IQCM: variants seen among roughly 807,000 people sequenced by gnomAD.
The protein encoded by IQCM is IQ domain-containing protein M.
IQCM carries 45 observed loss-of-function variants against 57.6 expected under a neutral mutation model. The ratio of observed to expected loss-of-function variants is 0.78; its 90% confidence interval spans 0.62 to 1.00. The LOEUF is 1.00. IQCM is among the 50% of genes least tolerant of loss of function. IQCM has a pLI of 0.00. For missense variants in IQCM, 468 were observed against 511.6 expected (o/e 0.91, Z 0.82); for synonymous variants, 148 against 158.9 (o/e 0.93, Z 0.51).
chr4:149,563,593 A>G, intron 10 of IQCM, 99 bp downstream of exon 10: 2 of 876,558 alleles, frequency 2.3e-6, no homozygotes, highest in Non-Finnish European at 3.0e-6. Flanking sequence ...TCTCCAAAAA[A>G]AAAAGTATGT....
chr4:149,369,948 T>C (rs949619534), intron 13 of IQCM, among the ~76,000 whole-genome samples: 1 of 152,188 alleles, frequency 6.6e-6, no homozygotes, highest in Admixed American at 6.5e-5. Context: ...CAGGTTGGAG[T>C]GCAGTGGTGC....
intron 13 of IQCM, among the ~76,000 whole-genome samples, chr4:149,380,204 C>T (rs778777680): frequency 3.3e-5 from 5 of 151,670 alleles, no homozygotes; most frequent in African/African-American, 4.8e-5. Context: ...GAAGATCATG[C>T]ATAATGAATG....
chr4:149,785,717 T>G (rs1249949440), intron 2 of IQCM, among the ~76,000 whole-genome samples: 2 of 152,132 alleles, frequency 1.3e-5, no homozygotes, highest in Non-Finnish European at 2.9e-5. Flanking sequence ...TGTACACATT[T>G]TTTCTGTGGA....
intron 12 of IQCM, among the ~76,000 whole-genome samples, chr4:149,485,476 C>G (rs183236405): frequency 1.2e-3 from 180 of 151,674 alleles, no homozygotes; most frequent in African/African-American, 4.3e-3. Flanking sequence ...CCTTCTTCTG[C>G]TTGATCAATT....
At position 149,352,050 on chromosome 4, in the gene IQCM, T is replaced by C. The variant is rs1459110312; in HGVS notation, c.1407A>G (p.Ala469=). ...GYRYIVNGHP[A]LKRANIRVVG... ...CAACCCGGATGTTAGCTCGTTTGAG[T>C]GCTGGATGTCCATTTACTATAATAC... Residue 469 remains alanine (A), a synonymous_variant, in exon 14 of 14, where the codon GCA becomes GCG. Coordinates refer to ENST00000636793, the MANE Select transcript of IQCM (RefSeq NM_001363507.2). 2.5e-6 allele frequency: 1 copy of C among 398,804 alleles called. No individual in the cohort carries two copies. Among genetic ancestry groups the C allele is most frequent in the East Asian group, 3.6e-5 (1 of 28,068 alleles). The allele number at this position is 398,804 out of a possible 1,614,324, so 24.7% of individuals were successfully genotyped here.
intron 12 of IQCM, among the ~76,000 whole-genome samples, chr4:149,501,455 C>G (rs1337822565): frequency 6.6e-6 from 1 of 152,046 alleles, no homozygotes; most frequent in Non-Finnish European, 1.5e-5. Context: ...GCAGAAGAAA[C>G]TGCAGCCATC....
At chr4:149,755,040 G>T (rs1024794079) in intron 2 of IQCM, among the ~76,000 whole-genome samples, 2 of 152,024 alleles carry the variant, frequency 1.3e-5, no homozygotes, top group Non-Finnish European at 2.9e-5. Flanking sequence ...TACATTCTAC[G>T]TCCTATTCAT....
In IQCM at chr4:149,402,218, A is replaced by G. The variant is rs185321071; in HGVS notation, c.1390+31178T>C. On this transcript the variant is annotated intron_variant, in intron 13 of 13. Transcript: ENST00000636793. ...TGGCTCTCATTTTTCTATATGCTCAATAACAGGACAACACTAGATCCTATT... is the reference window on the plus strand; with the variant it reads ...TGGCTCTCATTTTTCTATATGCTCAGTAACAGGACAACACTAGATCCTATT... Among the ~76,000 whole-genome samples the G allele has an allele frequency of 3.9e-5, 6 of 151,902 alleles. No homozygotes were observed. The East Asian group carries it at 9.7e-4, about 25-fold the overall frequency.
At chr4:149,747,693 G>A (rs931693040) in intron 2 of IQCM, among the ~76,000 whole-genome samples, 3 of 152,080 alleles carry the variant, frequency 2.0e-5, no homozygotes, top group Non-Finnish European at 4.4e-5. Flanking sequence ...AAAATGAGTT[G>A]GAAAGAAGAT....
intron 5 of IQCM, among the ~76,000 whole-genome samples, chr4:149,701,982 T>G (rs140102061): frequency 6.6e-6 from 1 of 152,082 alleles, no homozygotes; most frequent in East Asian, 1.9e-4. Context: ...CTTGTCCATA[T>G]GCTCCAACAT....
intron 8 of IQCM, among the ~76,000 whole-genome samples, chr4:149,591,421 A>G (rs1267222272): frequency 6.6e-6 from 1 of 151,934 alleles, no homozygotes; most frequent in Non-Finnish European, 1.5e-5. Context: ...TTGGCCTATT[A>G]TGCCCCAACA....
At chr4:149,440,118 G>A (rs1289201881) in intron 12 of IQCM, among the ~76,000 whole-genome samples, 4 of 142,682 alleles carry the variant, frequency 2.8e-5, no homozygotes, top group African/African-American at 1.0e-4. Context: ...CACCATGCCC[G>A]GCCTTTTTTT....
chr4:149,489,133 T>C (rs553305841), intron 12 of IQCM, among the ~76,000 whole-genome samples: 2 of 152,168 alleles, frequency 1.3e-5, no homozygotes, highest in African/African-American at 4.8e-5. Context: ...CAAATAGGCA[T>C]AGTAACATAA....
intron 10 of IQCM, among the ~76,000 whole-genome samples, chr4:149,554,781 GCTCCAC>G (rs1410495984): frequency 2.0e-5 from 3 of 151,044 alleles, no homozygotes; most frequent in African/African-American, 7.3e-5. Flanking sequence ...CTCACTGCAA[GCTCCAC>G]CTCCCGGGTT....
intron 7 of IQCM, among the ~76,000 whole-genome samples, chr4:149,663,524 A>G (rs960996551): frequency 1.3e-5 from 2 of 151,808 alleles, no homozygotes; most frequent in African/African-American, 4.8e-5. Flanking sequence ...GAAGATCTTT[A>G]TTTCTCCTTT....
intron 3 of IQCM, among the ~76,000 whole-genome samples, chr4:149,741,882 A>C (rs1295570148): frequency 6.6e-6 from 1 of 152,190 alleles, no homozygotes; most frequent in African/African-American, 2.4e-5. Context: ...TAGAGGTAAT[A>C]ATTTTACAAT....
intron 12 of IQCM, among the ~76,000 whole-genome samples, chr4:149,472,055 T>C (rs1355832924): frequency 2.0e-5 from 3 of 152,148 alleles, no homozygotes. Context: ...CTTTGAAAAC[T>C]AGCACAAGAC....
chr4:149,805,197 T>C (rs925905218), intron 2 of IQCM, among the ~76,000 whole-genome samples: 2 of 152,086 alleles, frequency 1.3e-5, no homozygotes, highest in Non-Finnish European at 2.9e-5. Context: ...ATAGTATGAG[T>C]ACTCTTGCTA....
chr4:149,643,793 T>C (rs1227755563), intron 7 of IQCM, among the ~76,000 whole-genome samples: 6 of 152,214 alleles, frequency 3.9e-5, no homozygotes, highest in Admixed American at 1.3e-4. Flanking sequence ...TTTTCCTAGA[T>C]GCTATAACTA....
Sources: gnomAD v4.1 joint callset for allele counts (sites outside exome capture counted in the v4.1 genomes callset) on GRCh38, gnomAD v4.1.1 for gene constraint, MANE v1.5 for transcripts, NCBI Gene and HGNC (gene_info 2026-07-23, HGNC 2026-07-21) for gene names.